Variants in GPC6 observed in about 807,000 individuals in gnomAD.
The protein encoded by GPC6 is glypican 6.
A neutral mutation model predicts 55.2 loss-of-function variants in GPC6; 14 were observed. The observed-to-expected ratio is 0.25, with a 90% CI of 0.17 to 0.40. The LOEUF (loss-of-function observed/expected upper bound fraction) is 0.40. Among genes scored for constraint, GPC6 ranks in the 10% least tolerant of loss-of-function variants. GPC6 has a pLI of 1.00. For synonymous variants in GPC6, 278 were observed against 259.6 expected (o/e 1.07, Z -0.68); for missense variants, 641 against 708.5 (o/e 0.90, Z 1.08).
At chr13:94,361,117 T>C (rs570326105) in intron 6 of GPC6, among the ~76,000 whole-genome samples, 1 of 152,342 alleles carries the variant, frequency 6.6e-6, no homozygotes, top group African/African-American at 2.4e-5. Flanking sequence ...TTCAACATTT[T>C]TTACAAATTG....
Position 94,062,132 on chromosome 13 carries a change from A to AT in GPC6, c.877+34247dup, listed in dbSNP as rs952859120. On this transcript the variant is annotated intron_variant, in intron 4 of 8. Coordinates refer to ENST00000377047, the MANE Select transcript of GPC6 (RefSeq NM_005708.5). ...ACAACTGGTGAGTGAAGAAACTAATATTTTTTTTTCGTTTGTTTTGTCCAC... is the reference window on the plus strand; with the variant it reads ...ACAACTGGTGAGTGAAGAAACTAATATTTTTTTTTTCGTTTGTTTTGTCCAC... Among the ~76,000 whole-genome samples the AT allele has an allele frequency of 9.9e-5, 15 of 151,510 alleles. No individual in the cohort carries two copies. The East Asian group carries it at 1.7e-3, about 18-fold the overall frequency.
chr13:93,275,357 T>G (rs1203217866), intron 1 of GPC6, among the ~76,000 whole-genome samples: 7 of 152,186 alleles, frequency 4.6e-5, no homozygotes, highest in Non-Finnish European at 1.0e-4. Flanking sequence ...TTACGGAATT[T>G]TATGAGGCAT....
chr13:93,691,477 T>TA (rs1882254161), intron 2 of GPC6, among the ~76,000 whole-genome samples: 1 of 68,802 alleles, frequency 1.5e-5, no homozygotes, highest in Non-Finnish European at 5.3e-5. Context: ...AGGCTTGCCA[T>TA]GGTTTTTTTT....
At chr13:93,326,536 TG>T (rs1555291060) in intron 1 of GPC6, among the ~76,000 whole-genome samples, 2 of 152,160 alleles carry the variant, frequency 1.3e-5, no homozygotes, top group Non-Finnish European at 2.9e-5. Context: ...GTTTACAGAT[TG>T]GGGAGTAGCT....
At chr13:93,216,693 A>C in the GPC6 span, among the ~76,000 whole-genome samples, 1 of 152,126 alleles carries the variant, frequency 6.6e-6, no homozygotes, top group South Asian at 2.1e-4. Flanking sequence ...ATGTGTTTTC[A>C]CCAATGTCTG....
At chr13:93,590,251 T>C (rs186347241) in intron 2 of GPC6, among the ~76,000 whole-genome samples, 38 of 152,290 alleles carry the variant, frequency 2.5e-4, no homozygotes, top group Admixed American at 7.2e-4. Context: ...TTTGTGAACC[T>C]TGTGTAATAC....
intron 6 of GPC6, among the ~76,000 whole-genome samples, chr13:94,364,220 G>A (rs1156818534): frequency 6.6e-6 from 1 of 152,150 alleles, no homozygotes; most frequent in African/African-American, 2.4e-5. Flanking sequence ...TGACACTTCT[G>A]CAGCTTGTAG....
chr13:93,365,371 A>T lies in GPC6; in HGVS notation c.160+137755A>T, dbSNP rs189356362. Among the ~76,000 whole-genome samples, 45 of 152,148 alleles carry T rather than the reference A, an allele frequency of 3.0e-4. 1 individual carries two copies. The highest frequency in any genetic ancestry group is 1.1e-3 in the African/African-American group (44 of 41,520). On this transcript the variant is annotated intron_variant, in intron 1 of 8. Coordinates refer to ENST00000377047, the MANE Select transcript of GPC6 (RefSeq NM_005708.5). ...TCCTGTATAAGATTCTCAAACTCTC[A>T]TTTCCAACCCACTTTCTTACTTTTT...
chr13:93,470,374 A>C (rs575404812), intron 1 of GPC6, among the ~76,000 whole-genome samples: 1 of 152,140 alleles, frequency 6.6e-6, no homozygotes, highest in Admixed American at 6.5e-5. Context: ...TCAGTTGGTA[A>C]AATCATAAGG....
chr13:93,789,598 CATATATATATATATATATATATAT>C lies in GPC6; in HGVS notation c.320-40532_320-40509del, dbSNP rs755185604. Among the ~76,000 whole-genome samples, 165 of 67,702 alleles carry C rather than the reference CATATATATATATATATATATATAT, an allele frequency of 2.4e-3. 5 individuals are homozygous for C. The highest frequency in any genetic ancestry group is 5.6e-3 in the African/African-American group (92 of 16,522). 44.4% of individuals were successfully genotyped at this position (67,702 alleles called of 152,430 possible). ...TAAATACTATATATATATAATACTA[CATATATATATATATATATATATAT>C]ATATATATATATATATATATATAGT... On this transcript the variant is annotated intron_variant, in intron 2 of 8. Coordinates refer to ENST00000377047, the MANE Select transcript of GPC6 (RefSeq NM_005708.5).
At chr13:94,057,128 A>G (rs1884158830) in intron 4 of GPC6, among the ~76,000 whole-genome samples, 3 of 152,206 alleles carry the variant, frequency 2.0e-5, no homozygotes, top group Admixed American at 1.3e-4. Flanking sequence ...CATTTGAAAA[A>G]TAAACTCAAT....
intron 2 of GPC6, among the ~76,000 whole-genome samples, chr13:93,657,278 G>T (rs1880716422): frequency 6.6e-6 from 1 of 151,986 alleles, no homozygotes; most frequent in African/African-American, 2.4e-5. Flanking sequence ...ATGGGTTAGA[G>T]AACCCAGAAA....
At chr13:94,154,390 G>C (rs889525861) in intron 4 of GPC6, 1 of 152,092 alleles carries the variant, frequency 6.6e-6, no homozygotes, top group African/African-American at 2.4e-5. Context: ...ATGGCAAAAG[G>C]TTTATATCTT....
intron 1 of GPC6, among the ~76,000 whole-genome samples, chr13:93,253,814 G>C (rs1876865573): frequency 6.6e-6 from 1 of 152,128 alleles, no homozygotes; most frequent in Admixed American, 6.5e-5. Flanking sequence ...ACTTGCATCT[G>C]TCCTTAGGAA....
chr13:93,406,176 C>A (rs1294878492), intron 1 of GPC6, among the ~76,000 whole-genome samples: 1 of 152,120 alleles, frequency 6.6e-6, no homozygotes, highest in Non-Finnish European at 1.5e-5. Flanking sequence ...GAATTTGTGG[C>A]CATGCTTAAT....
chr13:94,052,473 A>C (rs1883986645), intron 4 of GPC6, among the ~76,000 whole-genome samples: 1 of 152,056 alleles, frequency 6.6e-6, no homozygotes, highest in Admixed American at 6.6e-5. Context: ...TATGCTGTGG[A>C]GTTGATATAT....
chr13:93,399,789 C>T (rs1002013303), intron 1 of GPC6, among the ~76,000 whole-genome samples: 9 of 152,180 alleles, frequency 5.9e-5, no homozygotes, highest in Non-Finnish European at 1.3e-4. Context: ...CCACACCTTC[C>T]GAGCTTCCCA....
intron 2 of GPC6, among the ~76,000 whole-genome samples, chr13:93,765,282 C>CAGATAAGCTGTCTGGAAAGACAACTTTCT (rs1885088645): frequency 9.6e-6 from 1 of 103,744 alleles, no homozygotes; most frequent in Non-Finnish European, 2.4e-5. Context: ...GACAACTTTC[C>CAGATAAGCTGTCTGGAAAGACAACTTTCT]AGATAAGCTG....
At chr13:93,375,281 C>A (rs977381486) in intron 1 of GPC6, among the ~76,000 whole-genome samples, 1 of 152,142 alleles carries the variant, frequency 6.6e-6, no homozygotes, top group Non-Finnish European at 1.5e-5. Flanking sequence ...CCTTTGTGTG[C>A]GGTAATGTAA....
Sources: gnomAD v4.1 joint callset for allele counts (sites outside exome capture counted in the v4.1 genomes callset) on GRCh38, gnomAD v4.1.1 for gene constraint, MANE v1.5 for transcripts, NCBI Gene and HGNC (gene_info 2026-07-23, HGNC 2026-07-21) for gene names.